The following MACF1 variants were observed in gnomAD, a reference collection of about 807,000 sequenced individuals.
MACF1 encodes the protein microtubule-actin cross-linking factor 1.
MACF1 carries 193 observed loss-of-function variants against 854.8 expected under a neutral mutation model. The ratio of observed to expected loss-of-function variants is 0.23; its 90% CI spans 0.20 to 0.25. MACF1 has a LOEUF of 0.25. MACF1 is among the 10% of genes least tolerant of loss of function. The pLI is 1.00. For missense variants in MACF1, 7,722 were observed against 8,929.1 expected (o/e 0.86, Z 5.45); for synonymous variants, 3,185 against 3,226.7 (o/e 0.99, Z 0.44).
At chr1:39,339,762 G>A (rs1217590231) in intron 38 of MACF1, among the ~76,000 whole-genome samples, 1 of 152,168 alleles carries the variant, frequency 6.6e-6, no homozygotes, top group Non-Finnish European at 1.5e-5. Flanking sequence ...TAAAAACGTA[G>A]AAAGACAGCC....
In MACF1 at chr1:39,335,686, T is replaced by C; in HGVS notation, c.9098T>C (p.Met3033Thr). The change falls in exon 37 of 101, where the codon ATG becomes ACG. Residue 3033 changes from methionine (M) to threonine (T), a missense_variant. Coordinates refer to ENST00000564288, the MANE Select transcript of MACF1 (RefSeq NM_001394062.1). Reference protein sequence around the residue: ...SEKGKEADTEMGFSITFKIEE... With the variant: ...SEKGKEADTETGFSITFKIEE... ...AAAGGGAAAGAAGCTGATACAGAAA[T>C]GGGATTTTCTATTACTTTTAAAATT... is the stretch of plus-strand genomic sequence containing the variant. 4 of 1,613,574 alleles carry C rather than the reference T, an allele frequency of 2.5e-6. No homozygotes were observed. The highest frequency in any genetic ancestry group is 3.4e-6 in the Non-Finnish European group (4 of 1,179,904).
intron 6 of MACF1, among the ~76,000 whole-genome samples, chr1:39,260,128 C>G (rs1645144491): frequency 6.6e-6 from 1 of 151,946 alleles, no homozygotes; most frequent in Non-Finnish European, 1.5e-5. Flanking sequence ...TTAATAAAAT[C>G]AAATAGCTCC....
chr1:39,372,485 C>T lies in MACF1; in HGVS notation c.13102C>T (p.Leu4368=). 5.6e-6 allele frequency: 9 copies of T among 1,605,738 alleles called. No individual in the cohort carries two copies. Among genetic ancestry groups the T allele is most frequent in the Non-Finnish European group, 6.8e-6 (8 of 1,172,680 alleles). Residue 4368 remains leucine (L), a synonymous_variant, in exon 52 of 101, where the codon CTA becomes TTA. Coordinates refer to ENST00000564288, the MANE Select transcript of MACF1 (RefSeq NM_001394062.1). ...EKQIEHLKSL[L]DDWASKGTLV... ...CATTTTCTTCTTTAAACAGAGTCTA[C>T]TAGATGACTGGGCAAGTAAGGGAAC...
chr1:39,360,453 C>T (rs923406958), intron 47 of MACF1, among the ~76,000 whole-genome samples: 1 of 151,882 alleles, frequency 6.6e-6, no homozygotes, highest in Admixed American at 6.6e-5. Flanking sequence ...CAGTAAATAA[C>T]TAATGCTTAT....
At position 39,105,092 on chromosome 1, in the gene MACF1, C is replaced by T. The variant is rs1642189490; in HGVS notation, c.220+20654C>T. On this transcript the variant is annotated intron_variant, in intron 2 of 93. Transcript: ENST00000361689. The surrounding 1 kb of genome is among the most constrained non-coding windows in gnomAD (Gnocchi z 5.9). ...CGTTCGGCCGGCCCAGCCTTTCATC[C>T]TGACGCGCGGGGCCTCCCACCCAGC... Among the ~76,000 whole-genome samples the T allele has an allele frequency of 6.6e-6, 1 of 152,186 alleles. No homozygotes were observed. The highest frequency in any genetic ancestry group is 6.5e-5 in the Admixed American group (1 of 15,282).
At position 39,332,493 on chromosome 1, in the gene MACF1, A is replaced by G; in HGVS notation, c.5905A>G (p.Thr1969Ala). 1.2e-6 allele frequency: 2 copies of G among 1,613,952 alleles called. No individual in the cohort carries two copies. The highest frequency in any genetic ancestry group is 2.2e-5 in the South Asian group (2 of 91,072). ...TGAGAATCTGTTGTTCCAGCTGATG[A>G]CTCACAGCTATATTAATGTGCAAAA... ...QSENLLFQLM[T>A]HSYINVQNGQ... The change falls in exon 37 of 101, where the codon ACT becomes GCT. Residue 1969 changes from threonine (T) to alanine (A), a missense_variant. This residue lies in a region of MACF1 where 1,531 missense variants were observed against 1,601.6 expected (regional missense o/e 0.96). Transcript: ENST00000564288.
At chr1:39,474,529 CT>C (rs1295614603) in intron 97 of MACF1, among the ~76,000 whole-genome samples, 1 of 152,008 alleles carries the variant, frequency 6.6e-6, no homozygotes, top group Admixed American at 6.6e-5. Context: ...AACCCTGTCT[CT>C]ACTAAAAATA....
At chr1:39,365,165 C>A (rs2148526148) in intron 49 of MACF1, among the ~76,000 whole-genome samples, 1 of 152,256 alleles carries the variant, frequency 6.6e-6, no homozygotes, top group Middle Eastern at 3.4e-3. Flanking sequence ...CAAGCTCTGC[C>A]TTCTGGGTCC....
At position 39,387,557 on chromosome 1, in the gene MACF1, T is replaced by C. The variant is rs1641855227; in HGVS notation, c.14715T>C (p.Ala4905=). The change falls in exon 58 of 101, where the codon GCT becomes GCC. Residue 4905 remains alanine, a synonymous_variant. Coordinates refer to ENST00000564288, the MANE Select transcript of MACF1 (RefSeq NM_001394062.1). ...GGCTCAAGGATTGTATGCAGAAAGC[T>C]CAGAAATATCAGTGGCATGTGGAAG... ...QSRLKDCMQK[A]QKYQWHVEDL... 6.2e-7 allele frequency: 1 copy of C among 1,613,868 alleles called. No homozygotes were observed. Among genetic ancestry groups the C allele is most frequent in the Non-Finnish European group, 8.5e-7 (1 of 1,180,020 alleles).
chr1:39,147,658 A>G (rs1039240304), intron 2 of MACF1, among the ~76,000 whole-genome samples: 3 of 151,978 alleles, frequency 2.0e-5, no homozygotes, highest in Admixed American at 6.6e-5. Flanking sequence ...AGCTGGGCCT[A>G]CAGGCACACA....
intron 58 of MACF1, among the ~76,000 whole-genome samples, chr1:39,407,864 T>C (rs1399464458): frequency 2.6e-5 from 4 of 152,226 alleles, no homozygotes; most frequent in African/African-American, 9.6e-5. Context: ...GATGTTTTTT[T>C]CCTTCATAAA....
At chr1:39,458,941 G>A (rs376298975) in intron 90 of MACF1, 145 bp from the exon 91 acceptor site, 28 of 706,642 alleles carry the variant, frequency 4.0e-5, no homozygotes, top group South Asian at 1.4e-4. Context: ...GTACACCTCC[G>A]TATCTAAATA....
chr1:39,258,653 C>G (rs1241673777), intron 6 of MACF1, among the ~76,000 whole-genome samples: 4 of 152,162 alleles, frequency 2.6e-5, no homozygotes, highest in African/African-American at 9.7e-5. Context: ...TATAAAAAGG[C>G]TGTTCTTTTA....
intron 2 of MACF1, among the ~76,000 whole-genome samples, chr1:39,176,109 C>A (rs1231955464): frequency 2.4e-3 from 32 of 13,310 alleles, no homozygotes; most frequent in Middle Eastern, 0.12. Context: ...GACTCCTTCT[C>A]AAAAAAAAAA....
rs1446053220 is a variant in MACF1, at chr1:39,331,813, C to T, written c.5225C>T (p.Ser1742Leu). ...QLAGGMVSLK[S>L]GRKVSIFRAV... Reference sequence around the variant, plus strand: ...GCAGGGGGGATGGTGAGCTTGAAATCAGGCCGGAAGGTTAGCATTTTCCGT... The same window carrying T: ...GCAGGGGGGATGGTGAGCTTGAAATTAGGCCGGAAGGTTAGCATTTTCCGT... Residue 1742 changes from serine (S) to leucine (L), a missense_variant, in exon 37 of 101, where the codon TCA (serine) becomes TTA (leucine). By Grantham distance (145) the Ser-to-Leu change is moderately radical. Coordinates refer to ENST00000564288, the MANE Select transcript of MACF1 (RefSeq NM_001394062.1). 1.2e-6 allele frequency: 2 copies of T among 1,614,024 alleles called. No homozygotes were observed. Among genetic ancestry groups the T allele is most frequent in the African/African-American group, 2.7e-5 (2 of 74,924 alleles).
chr1:39,448,525 A>AT, intron 83 of MACF1, 69 bp from the exon 84 acceptor site: 1 of 1,336,624 alleles, frequency 7.5e-7, no homozygotes, highest in Non-Finnish European at 9.9e-7. Flanking sequence ...GAAAACTCAA[A>AT]TTCTTTTGTT....
intron 7 of MACF1, among the ~76,000 whole-genome samples, chr1:39,282,651 G>A (rs1645569647): frequency 6.6e-6 from 1 of 152,202 alleles, no homozygotes; most frequent in African/African-American, 2.4e-5. Flanking sequence ...TGCAATGGCA[G>A]GATTAGAAAG....
chr1:39,304,020 T>C (rs1646111171), intron 23 of MACF1, among the ~76,000 whole-genome samples: 1 of 151,536 alleles, frequency 6.6e-6, no homozygotes, highest in Non-Finnish European at 1.5e-5. Flanking sequence ...TTTCTTTCTT[T>C]TTTTTTTTTT....
Position 39,422,849 on chromosome 1 carries a change from A to G in MACF1, c.16098A>G (p.Lys5366=), listed in dbSNP as rs2148637742. 1 of 1,614,212 alleles carries G rather than the reference A, an allele frequency of 6.2e-7. No homozygotes were observed. Among genetic ancestry groups the G allele is most frequent in the African/African-American group, 1.3e-5 (1 of 75,052 alleles). ...ADTEELIANQ[K]PPSAEYKVVK... The stretch of plus-strand genomic sequence containing the variant: ...CCGAGGAGCTCATAGCCAATCAGAA[A>G]CCTCCATCTGCTGAGTATAAAGTGG... Residue 5366 remains lysine (K), a synonymous_variant, in exon 60 of 101, where the codon AAA becomes AAG. Coordinates refer to ENST00000564288, the MANE Select transcript of MACF1 (RefSeq NM_001394062.1).
Sources: allele counts gnomAD v4.1 joint callset (sites outside exome capture counted in the v4.1 genomes callset), GRCh38; gene constraint gnomAD v4.1.1; regional missense constraint gnomAD v4.1.1; non-coding constraint Gnocchi (gnomAD v3.1); transcripts MANE v1.5; gene names NCBI Gene and HGNC (gene_info 2026-07-23, HGNC 2026-07-21).